SCRN1: variants seen among roughly 807,000 people sequenced by gnomAD.
The protein encoded by SCRN1 is secernin 1.
In SCRN1, 19 loss-of-function variants were observed where a neutral mutation model predicts 43.3. The observed-to-expected ratio is 0.44, with a 90% CI of 0.31 to 0.64. The LOEUF is 0.64. Ranked by LOEUF, SCRN1 falls within the 30% of genes least tolerant of loss-of-function variation. The pLI is 0.09. For synonymous variants in SCRN1, 183 were observed against 188.9 expected, an observed-to-expected ratio of 0.97 and a Z score of 0.26; for missense variants, 447 against 524.1, an observed-to-expected ratio of 0.85 and a Z score of 1.44.
chr7:29,937,641 C>T (rs999417901), intron 5 of SCRN1, among the ~76,000 whole-genome samples: 8 of 152,252 alleles, frequency 5.3e-5, no homozygotes, highest in East Asian at 3.9e-4. Flanking sequence ...GTCCTCTCTG[C>T]GGTGGGAAAT....
At chr7:29,938,033 C>A (rs1207006080) in intron 5 of SCRN1, among the ~76,000 whole-genome samples, 1 of 151,932 alleles carries the variant, frequency 6.6e-6, no homozygotes, top group East Asian at 1.9e-4. Flanking sequence ...TTTCCCCTTG[C>A]ATCTTTTTTT....
rs1413844765 is a variant in SCRN1, at chr7:29,924,202, G to A, written c.1087-87C>T. On this transcript the variant is annotated intron_variant, in intron 7 of 7. Transcript: ENST00000242059. Reference sequence around the variant, plus strand: ...CTGAAACCCTCTAGGGGGCCAGCTGGCTTCCTGCTCAAGGTCCTGTCCTCC... The same window carrying A: ...CTGAAACCCTCTAGGGGGCCAGCTGACTTCCTGCTCAAGGTCCTGTCCTCC... 6.5e-6 allele frequency: 9 copies of A among 1,383,012 alleles called. No homozygotes were observed. The Admixed American group carries it at 2.1e-4, about 32-fold the overall frequency. The allele number at this position is 1,383,012 out of a possible 1,614,324, so 85.7% of individuals were successfully genotyped here. A position where few individuals can be genotyped will look rare whatever the true frequency, so the allele number is the denominator to read the frequency against.
chr7:29,989,042 G>C (rs1233023703), intron 1 of SCRN1: 2 of 152,050 alleles, frequency 1.3e-5, no homozygotes, highest in African/African-American at 4.8e-5. Context: ...GGGAAGTTGT[G>C]TCAAGTCCCA....
chr7:29,961,725 C>T (rs1456149508), intron 2 of SCRN1, among the ~76,000 whole-genome samples: 1 of 151,994 alleles, frequency 6.6e-6, no homozygotes, highest in Admixed American at 6.5e-5. Context: ...TAGGGGCCGC[C>T]GGGCAGAGGC....
Position 29,944,037 on chromosome 7 carries a change from G to A in SCRN1, c.484C>T (p.Arg162Cys), listed in dbSNP as rs377688941. 1.4e-5 allele frequency: 22 copies of A among 1,614,166 alleles called. No homozygotes were observed. The highest frequency in any genetic ancestry group is 1.3e-4 in the African/African-American group (10 of 75,022). Residue 162 changes from arginine (R) to cysteine (C), a missense_variant, in exon 4 of 8, where the codon CGT becomes TGT. Transcript: ENST00000242059. ...GTCTCGAGCACCCAGGCTTCATCAC[G>A]ATCCACAATCAGATATGCACTTTGG... is the stretch of plus-strand genomic sequence containing the variant. ...SFQSAYLIVD[R>C]DEAWVLETIG...
chr7:29,938,169 C>CA (rs1490576267), intron 5 of SCRN1, among the ~76,000 whole-genome samples: 2 of 152,280 alleles, frequency 1.3e-5, no homozygotes, highest in Non-Finnish European at 2.9e-5. Context: ...GCTGGGACTA[C>CA]AGGCATGCAC....
At chr7:29,948,751 C>G (rs992435094) in intron 3 of SCRN1, among the ~76,000 whole-genome samples, 1 of 152,188 alleles carries the variant, frequency 6.6e-6, no homozygotes, top group African/African-American at 2.4e-5. Flanking sequence ...TCTGCTGGAG[C>G]CAGCTGCTAC....
intron 3 of SCRN1, among the ~76,000 whole-genome samples, chr7:29,952,646 T>C (rs1278454007): frequency 2.7e-5 from 4 of 149,964 alleles, no homozygotes; most frequent in African/African-American, 7.4e-5. Flanking sequence ...GCCGAGATCA[T>C]ACCACTGCAC....
chr7:29,936,863 G>A (rs577386295), intron 5 of SCRN1, 142 bp from the exon 6 acceptor site: 316 of 503,842 alleles, frequency 6.3e-4, no homozygotes, highest in African/African-American at 5.6e-3. Flanking sequence ...TGCATAACAC[G>A]GTGAAACCCC....
At chr7:29,985,716 G>A (rs139489587) in intron 1 of SCRN1, among the ~76,000 whole-genome samples, 250 of 152,228 alleles carry the variant, frequency 1.6e-3, no homozygotes, top group African/African-American at 5.1e-3. Flanking sequence ...AGATCACCAC[G>A]TAGTGTGCTT....
In SCRN1 at chr7:29,956,061, C is replaced by T. The variant is rs114754510; in HGVS notation, c.160-701G>A. ...AGTGGTGCATCTTACCTTCTCCAGG[C>T]TGCAGTGGCTTTACCTGGAAAATGG... On this transcript the variant is annotated intron_variant, in intron 2 of 7. Coordinates refer to ENST00000242059, the MANE Select transcript of SCRN1 (RefSeq NM_014766.5). Among the ~76,000 whole-genome samples the T allele has an allele frequency of 3.7e-3, 565 of 152,336 alleles. 3 individuals are homozygous for T. The highest frequency in any genetic ancestry group is 0.013 in the African/African-American group (550 of 41,580).
intron 4 of SCRN1, 54 bp downstream of exon 4, chr7:29,943,923 C>T: frequency 6.6e-7 from 1 of 1,521,368 alleles, no homozygotes; most frequent in Non-Finnish European, 9.1e-7. Context: ...CAGGCCACCC[C>T]ATCTCTGTGG....
At chr7:29,986,290 C>T (rs1414788841) in intron 1 of SCRN1, among the ~76,000 whole-genome samples, 1 of 152,066 alleles carries the variant, frequency 6.6e-6, no homozygotes, top group Non-Finnish European at 1.5e-5. Flanking sequence ...TTTCTAGTAG[C>T]CACATTTTTA....
Position 29,926,626 on chromosome 7 carries a change from T to A in SCRN1, c.912A>T (p.Ile304=). The change falls in exon 7 of 8, where the codon ATA becomes ATT. Residue 304 remains isoleucine, a synonymous_variant. Coordinates refer to ENST00000242059, the MANE Select transcript of SCRN1 (RefSeq NM_014766.5). ...FTGTPDPSRS[I]FKPFIFVDDV... is the part of the protein sequence containing the mutation. ...CATCAACAAAGATGAAAGGCTTGAATATGGACCTGGAGAGGAAGGAGAGGC... is the reference window on the plus strand; with the variant it reads ...CATCAACAAAGATGAAAGGCTTGAAAATGGACCTGGAGAGGAAGGAGAGGC... 2 of 1,613,648 alleles carry A rather than the reference T, an allele frequency of 1.2e-6. No individual in the cohort carries two copies. The highest frequency in any genetic ancestry group is 2.2e-5 in the South Asian group (2 of 91,054).
intron 2 of SCRN1, among the ~76,000 whole-genome samples, chr7:29,957,119 T>G (rs1024786503): frequency 2.6e-5 from 4 of 152,224 alleles, no homozygotes; most frequent in African/African-American, 9.6e-5. Context: ...AGAAAAAAAG[T>G]AAAAATTAGG....
chr7:29,926,563 A>G lies in SCRN1; in HGVS notation c.975T>C (p.Phe325=), dbSNP rs774890912. 5.0e-6 allele frequency: 8 copies of G among 1,614,148 alleles called. No homozygotes were observed. Among genetic ancestry groups the G allele is most frequent in the Non-Finnish European group, 6.8e-6 (8 of 1,180,032 alleles). ...KLVPKTQSPC[F]GDDDPAKKEP... is the part of the protein sequence containing the mutation. ...CCTTTTTGGCAGGGTCGTCATCCCC[A>G]AAACAGGGAGACTGTGTTTTGGGGA... is the stretch of plus-strand genomic sequence containing the variant. The change falls in exon 7 of 8, where the codon TTT becomes TTC. Residue 325 remains phenylalanine, a synonymous_variant. Transcript: ENST00000242059.
chr7:29,943,827 A>T (rs771815811), intron 4 of SCRN1, 150 bp downstream of exon 4: 6 of 708,238 alleles, frequency 8.5e-6, no homozygotes, highest in African/African-American at 1.8e-5. Flanking sequence ...GGTTCCCAGA[A>T]ATGAGAGGCA....
At chr7:29,936,370 G>A (rs1032526583) in intron 6 of SCRN1, among the ~76,000 whole-genome samples, 186 bp downstream of exon 6, 1 of 152,194 alleles carries the variant, frequency 6.6e-6, no homozygotes, top group Non-Finnish European at 1.5e-5. Flanking sequence ...AATACTATGT[G>A]ACTAAAACCA....
intron 3 of SCRN1, among the ~76,000 whole-genome samples, chr7:29,948,849 T>C (rs1424050648): frequency 6.6e-6 from 1 of 152,126 alleles, no homozygotes; most frequent in Non-Finnish European, 1.5e-5. Context: ...AGTGGGAGTA[T>C]TTACACCATG....
Sources: gnomAD v4.1 joint callset for allele counts (sites outside exome capture counted in the v4.1 genomes callset) on GRCh38, gnomAD v4.1.1 for gene constraint, MANE v1.5 for transcripts, NCBI Gene and HGNC (gene_info 2026-07-23, HGNC 2026-07-21) for gene names.